The following REXO5 variants were observed in gnomAD, a reference collection of about 807,000 sequenced individuals.
The protein encoded by REXO5 is RNA exonuclease 5, also known as exonuclease NEF-sp.
Under a neutral mutation model 88.5 loss-of-function variants are expected in REXO5, and 48 were observed. The observed-to-expected ratio is 0.54, with a 90% confidence interval of 0.43 to 0.69. The LOEUF (loss-of-function observed/expected upper bound fraction) is 0.69, where lower values mean the gene tolerates loss of function less well. REXO5 is among the 30% of genes least tolerant of loss of function. The pLI is 0.00. For synonymous variants in REXO5, 311 were observed against 336.5 expected (o/e 0.92, Z 0.83); for missense variants, 749 against 912.2 (o/e 0.82, Z 2.30).
intron 10 of REXO5, 34 bp from the exon 11 acceptor site, chr16:20,828,401 C>A: frequency 7.5e-7 from 1 of 1,332,116 alleles, no homozygotes. Flanking sequence ...ATTAAAAGTG[C>A]TTCCAGTATG....
Position 20,827,160 on chromosome 16 carries a change from G to A in REXO5, c.924G>A (p.Val308=), listed in dbSNP as rs747950052. 1.2e-6 allele frequency: 2 copies of A among 1,614,022 alleles called. No individual in the cohort carries two copies. ...KALLPPDAVL[V]GHSLDLDLRA... ...TGCTTCCTCCTGATGCTGTGTTAGT[G>A]GGCCACTCCTTAGATTTGGATCTCA... is the stretch of plus-strand genomic sequence containing the variant. Residue 308 remains valine (V), a synonymous_variant, in exon 9 of 20, where the codon GTG becomes GTA. Coordinates refer to ENST00000261377, the MANE Select transcript of REXO5 (RefSeq NM_030941.3).
intron 12 of REXO5, among the ~76,000 whole-genome samples, chr16:20,832,576 G>T (rs1171939337): frequency 1.3e-5 from 2 of 151,998 alleles, no homozygotes; most frequent in Non-Finnish European, 2.9e-5. Flanking sequence ...TGGTATTTTG[G>T]CTAGAAGAGT....
intron 13 of REXO5, among the ~76,000 whole-genome samples, chr16:20,834,594 A>G (rs1193782267): frequency 1.3e-5 from 2 of 152,088 alleles, no homozygotes; most frequent in African/African-American, 2.4e-5. Flanking sequence ...TTGCATATGT[A>G]TTAGGCCGTT....
chr16:20,829,269 C>A (rs760957122), intron 11 of REXO5, among the ~76,000 whole-genome samples: 1 of 152,086 alleles, frequency 6.6e-6, no homozygotes, highest in Non-Finnish European at 1.5e-5. Context: ...ATATACTAAG[C>A]ACTATCCTGG....
chr16:20,822,657 A>C (rs1265890399), intron 6 of REXO5, among the ~76,000 whole-genome samples: 2 of 152,190 alleles, frequency 1.3e-5, no homozygotes, highest in Non-Finnish European at 2.9e-5. Context: ...CTGTAAGTGG[A>C]TGTGCAATAT....
At chr16:20,835,957 T>C (rs573821527) in intron 13 of REXO5, among the ~76,000 whole-genome samples, 1 of 152,174 alleles carries the variant, frequency 6.6e-6, no homozygotes, top group South Asian at 2.1e-4. Context: ...GGAGGATTGC[T>C]TGAGCCCAGG....
At chr16:20,820,005 C>T (rs1431281890) in intron 5 of REXO5, among the ~76,000 whole-genome samples, 1 of 152,150 alleles carries the variant, frequency 6.6e-6, no homozygotes, top group Non-Finnish European at 1.5e-5. Flanking sequence ...ATCCTCTTGC[C>T]TTGGCCTCCC....
At chr16:20,834,588 A>G (rs1319949455) in intron 13 of REXO5, among the ~76,000 whole-genome samples, 1 of 152,080 alleles carries the variant, frequency 6.6e-6, no homozygotes, top group Non-Finnish European at 1.5e-5. Flanking sequence ...CTCCCATTGC[A>G]TATGTATTAG....
At chr16:20,831,020 G>C (rs990027599) in intron 11 of REXO5, among the ~76,000 whole-genome samples, 14 of 139,724 alleles carry the variant, frequency 1.0e-4, no homozygotes, top group Middle Eastern at 3.8e-3. Flanking sequence ...TTTGAGACGG[G>C]GTCTCACTGT....
intron 2 of REXO5, among the ~76,000 whole-genome samples, chr16:20,808,630 T>C (rs1434162832): frequency 6.7e-6 from 1 of 150,226 alleles, no homozygotes; most frequent in Non-Finnish European, 1.5e-5. Flanking sequence ...TTTTTTTTTT[T>C]TTTTTGAGGT....
intron 1 of REXO5, 80 bp downstream of exon 1, chr16:20,806,785 C>A: frequency 8.5e-7 from 1 of 1,181,718 alleles, no homozygotes; most frequent in South Asian, 1.6e-5. Flanking sequence ...ATCGTTGGCA[C>A]CTTCGCTTTT....
intron 5 of REXO5, among the ~76,000 whole-genome samples, chr16:20,816,664 A>G: frequency 6.6e-6 from 1 of 152,304 alleles, no homozygotes; most frequent in East Asian, 1.9e-4. Flanking sequence ...TTTTTAAGGA[A>G]AAATGGGCAG....
Position 20,815,009 on chromosome 16 carries a change from A to G in REXO5, c.334A>G (p.Arg112Gly). Residue 112 changes from arginine to glycine, a missense_variant, in exon 4 of 20, where the codon AGG (arginine) becomes GGG (glycine). By Grantham distance (125) the Arg-to-Gly change is moderately radical. Coordinates refer to ENST00000261377, the MANE Select transcript of REXO5 (RefSeq NM_030941.3). The stretch of plus-strand genomic sequence containing the variant: ...GGGAATGAGTCAGCTACACTTTTAC[A>G]GGTTCTATTTGGAGTTTGGATGTCT... ...LQGMSQLHFYRFYLEFGCLRK... is the reference protein window; with the variant it reads ...LQGMSQLHFYGFYLEFGCLRK... 1 of 1,613,788 alleles carries G rather than the reference A, an allele frequency of 6.2e-7. No homozygotes were observed. The highest frequency in any genetic ancestry group is 1.3e-5 in the African/African-American group (1 of 75,038).
At chr16:20,831,660 G>T (rs1596594970) in intron 11 of REXO5, among the ~76,000 whole-genome samples, 1 of 152,182 alleles carries the variant, frequency 6.6e-6, no homozygotes, top group East Asian at 1.9e-4. Context: ...TCCCTGGTGG[G>T]CTCCCACTTT....
In REXO5 at chr16:20,817,997, T is replaced by C. The variant is rs2152501960; in HGVS notation, c.475+1785T>C. Reference sequence around the variant, plus strand: ...ATATTCCCTCTTGTTGGTGTCATTTTTCTCTAAGACACCAGTGTTGAATTT... The same window carrying C: ...ATATTCCCTCTTGTTGGTGTCATTTCTCTCTAAGACACCAGTGTTGAATTT... On this transcript the variant is annotated intron_variant, in intron 5 of 19. Coordinates refer to ENST00000261377, the MANE Select transcript of REXO5 (RefSeq NM_030941.3). Among the ~76,000 whole-genome samples, 2 of 152,342 alleles carry C rather than the reference T, an allele frequency of 1.3e-5. 1 individual carries two copies. The highest frequency in any genetic ancestry group is 4.1e-4 in the South Asian group (2 of 4,828).
At chr16:20,817,854 T>C (rs1295836355) in intron 5 of REXO5, among the ~76,000 whole-genome samples, 1 of 152,234 alleles carries the variant, frequency 6.6e-6, no homozygotes, top group African/African-American at 2.4e-5. Flanking sequence ...TGCCCCAGAT[T>C]GCAGGCCTGC....
At chr16:20,827,564 A>G (rs2081278432) in intron 10 of REXO5, 117 bp downstream of exon 10, 1 of 736,322 alleles carries the variant, frequency 1.4e-6, no homozygotes, top group East Asian at 2.6e-5. Context: ...TGCTTTAAAC[A>G]TGTTTTTTTG....
intron 2 of REXO5, among the ~76,000 whole-genome samples, chr16:20,811,786 T>C (rs561478585): frequency 2.0e-4 from 30 of 152,266 alleles, no homozygotes; most frequent in Non-Finnish European, 4.1e-4. Context: ...GCCATGGGAA[T>C]ACATTAGCAA....
intron 13 of REXO5, 23 bp from the exon 14 acceptor site, chr16:20,839,731 TC>T: frequency 6.5e-7 from 1 of 1,544,130 alleles, no homozygotes; most frequent in South Asian, 1.1e-5. Flanking sequence ...TCCTACCTTA[TC>T]CAGGCTGTGC....
Sources: allele counts gnomAD v4.1 joint callset (sites outside exome capture counted in the v4.1 genomes callset), GRCh38; gene constraint gnomAD v4.1.1; transcripts MANE v1.5; gene names NCBI Gene and HGNC (gene_info 2026-07-23, HGNC 2026-07-21).